The following SLCO1A2 variants were observed in gnomAD, a reference collection of about 807,000 sequenced individuals.
SLCO1A2 encodes OATP-1.
SLCO1A2 carries 67 observed loss-of-function variants against 69.0 expected under a neutral mutation model. That is an observed-to-expected ratio of 0.97 (90% CI 0.80 to 1.19). The LOEUF (loss-of-function observed/expected upper bound fraction) is 1.19, where lower values mean the gene tolerates loss of function less well. Among genes scored for constraint, SLCO1A2 ranks in the 50% most tolerant of loss-of-function variants. SLCO1A2 has a pLI of 0.00. For synonymous variants in SLCO1A2, 260 were observed against 265.9 expected (o/e 0.98, Z 0.22); for missense variants, 787 against 793.7 (o/e 0.99, Z 0.10).
At chr12:21,341,054 ATTATTCCCAAC>A (rs1953053618) in intron 2 of SLCO1A2, among the ~76,000 whole-genome samples, 1 of 152,060 alleles carries the variant, frequency 6.6e-6, no homozygotes, top group South Asian at 2.1e-4. Flanking sequence ...TGACATAAGT[ATTATTCCCAAC>A]TTTAAAGATG....
rs931240857 is a variant in SLCO1A2 at position 21,268,783 on chromosome 12, A to G, written c.*765T>C. The G allele has an allele frequency of 6.6e-6, 1 of 152,024 alleles. No individual in the cohort carries two copies. Among genetic ancestry groups the G allele is most frequent in the Non-Finnish European group, 1.5e-5 (1 of 67,972 alleles). 9.4% of individuals were successfully genotyped at this position (152,024 alleles called of 1,614,324 possible). On this transcript the variant is annotated 3_prime_UTR_variant, in exon 15 of 15. Coordinates refer to ENST00000683939, the MANE Select transcript of SLCO1A2 (RefSeq NM_001386879.1). ...TCTGACATTACAAACAGCCTTTAAG[A>G]ACTGGAGTTTTTATAATATTGTCCT... is the stretch of plus-strand genomic sequence containing the variant.
At chr12:21,343,863 A>C (rs571918229) in intron 2 of SLCO1A2, among the ~76,000 whole-genome samples, 20 of 152,228 alleles carry the variant, frequency 1.3e-4, no homozygotes, top group African/African-American at 4.8e-4. Flanking sequence ...AAATTTTGCA[A>C]TACCTTTCAA....
chr12:21,350,690 A>G (rs1462900633), intron 2 of SLCO1A2, among the ~76,000 whole-genome samples: 1 of 151,748 alleles, frequency 6.6e-6, no homozygotes, highest in Non-Finnish European at 1.5e-5. Flanking sequence ...AAAAAAAATT[A>G]GCCGGGCGTG....
chr12:21,359,660 TG>T (rs1938661989), intron 2 of SLCO1A2, among the ~76,000 whole-genome samples: 1 of 151,182 alleles, frequency 6.6e-6, no homozygotes, highest in South Asian at 2.1e-4. Context: ...GGCAGGAGAA[TG>T]GCATGAACCC....
exon 1 of SLCO1A2, chr12:21,395,106 A>G (rs553781391): frequency 2.1e-3 from 329 of 157,752 alleles, no homozygotes; most frequent in Non-Finnish European, 3.3e-3. Context: ...TTTCCATCTG[A>G]GGTACCGGGT....
intron 2 of SLCO1A2, among the ~76,000 whole-genome samples, chr12:21,371,884 C>G (rs988853358): frequency 6.6e-6 from 1 of 151,926 alleles, no homozygotes; most frequent in Non-Finnish European, 1.5e-5. Context: ...TGCCTGTAAT[C>G]CCAGCTACTC....
Position 21,268,887 on chromosome 12 carries a change from A to ATCTT in SLCO1A2, c.*657_*660dup, listed in dbSNP as rs1284154448. On this transcript the variant is annotated 3_prime_UTR_variant, in exon 15 of 15. Coordinates refer to ENST00000683939, the MANE Select transcript of SLCO1A2 (RefSeq NM_001386879.1). ...TGAATTACTGAAAAAAAATCCAACA[A>ATCTT]TCTTTGCCTCATGATGTTTAATAAC... is the stretch of plus-strand genomic sequence containing the variant. 6.6e-6 allele frequency: 1 copy of ATCTT among 152,012 alleles called. No individual in the cohort carries two copies. The highest frequency in any genetic ancestry group is 1.5e-5 in the Non-Finnish European group (1 of 67,928). 9.4% of individuals were successfully genotyped at this position (152,012 alleles called of 1,614,324 possible). A position where few individuals can be genotyped will look rare whatever the true frequency, so the allele number is the denominator to read the frequency against.
At position 21,318,924 on chromosome 12, in the gene SLCO1A2, C is replaced by A; in HGVS notation, c.61-1G>T. The stretch of plus-strand genomic sequence containing the variant: ...CACATGTTATTGCCAACAGAAACAT[C>A]TAGGAAAAAAATATAAGAAAACGTA... On this transcript the variant is annotated splice_acceptor_variant, in intron 2 of 14. Coordinates refer to ENST00000683939, the MANE Select transcript of SLCO1A2 (RefSeq NM_001386879.1). LOFTEE classifies it high-confidence loss of function. 1 of 1,571,760 alleles carries A rather than the reference C, an allele frequency of 6.4e-7. No homozygotes were observed.
intron 13 of SLCO1A2, chr12:21,274,938 G>C (rs1370299532): frequency 4.8e-6 from 5 of 1,046,426 alleles, no homozygotes; most frequent in Non-Finnish European, 4.6e-6. Context: ...ACAAAGAATA[G>C]TGTAATTAAG....
At chr12:21,329,927 A>G (rs1171219314) in intron 2 of SLCO1A2, among the ~76,000 whole-genome samples, 2 of 151,750 alleles carry the variant, frequency 1.3e-5, no homozygotes, top group Non-Finnish European at 2.9e-5. Flanking sequence ...TACTGGAGGT[A>G]ATTTTGAGAT....
At chr12:21,292,426 A>G (rs1298384656) in intron 11 of SLCO1A2, 90 bp from the exon 12 acceptor site, 3 of 969,184 alleles carry the variant, frequency 3.1e-6, no homozygotes, top group Non-Finnish European at 4.6e-6. Context: ...ATCAAGATGG[A>G]GACTGCTTGT....
chr12:21,309,262 G>C (rs1949813359), intron 4 of SLCO1A2, among the ~76,000 whole-genome samples: 1 of 152,132 alleles, frequency 6.6e-6, no homozygotes, highest in Admixed American at 6.5e-5. Flanking sequence ...AGAGAAAACA[G>C]TGTTATGAAA....
At chr12:21,344,437 A>G (rs1346392069) in intron 2 of SLCO1A2, among the ~76,000 whole-genome samples, 2 of 152,084 alleles carry the variant, frequency 1.3e-5, no homozygotes, top group Admixed American at 6.6e-5. Context: ...AATCCAATTA[A>G]TAAATTCATA....
chr12:21,314,500 C>T, intron 4 of SLCO1A2, 49 bp downstream of exon 4: 1 of 1,607,820 alleles, frequency 6.2e-7, no homozygotes, highest in Non-Finnish European at 8.5e-7. Flanking sequence ...AACTTCATTT[C>T]CTGCAAGTGA....
At position 21,266,222 on chromosome 12, in the gene SLCO1A2, T is replaced by C. The variant is rs2136009058; in HGVS notation, c.*3326A>G. 1 of 152,298 alleles carries C rather than the reference T, an allele frequency of 6.6e-6. No homozygotes were observed. The highest frequency in any genetic ancestry group is 2.1e-4 in the South Asian group (1 of 4,830). 9.4% of individuals were successfully genotyped at this position (152,298 alleles called of 1,614,324 possible). ...GGTTACAAAACATTTCGAGCTTTTC[T>C]TTAATTACTTAGTCTTTGTCTTGTC... is the stretch of plus-strand genomic sequence containing the variant. On this transcript the variant is annotated 3_prime_UTR_variant, in exon 15 of 15. Transcript: ENST00000683939.
intron 11 of SLCO1A2, 141 bp from the exon 12 acceptor site, chr12:21,292,477 C>T (rs953972609): frequency 2.4e-5 from 12 of 497,570 alleles, no homozygotes; most frequent in African/African-American, 2.3e-4. Flanking sequence ...CTCAAGATTA[C>T]ACCATATAAC....
rs1287698745 is a variant in SLCO1A2 at position 21,330,512 on chromosome 12, AAAAAT to A, written c.60+4071_60+4075del. On this transcript the variant is annotated intron_variant, in intron 2 of 14. Coordinates refer to ENST00000683939, the MANE Select transcript of SLCO1A2 (RefSeq NM_001386879.1). ...TGACAGAGTGAGGCCCTGCCTCAAA[AAAAAT>A]AAAATAAAAGTAAAAAGTTACAGGA... Among the ~76,000 whole-genome samples, 4 of 152,250 alleles carry A rather than the reference AAAAAT, an allele frequency of 2.6e-5. No homozygotes were observed. The East Asian group carries it at 5.8e-4, about 22-fold the overall frequency.
At chr12:21,408,671 C>T (rs1442794542) in intron 1 of SLCO1A2, among the ~76,000 whole-genome samples, 1 of 151,806 alleles carries the variant, frequency 6.6e-6, no homozygotes, top group Admixed American at 6.6e-5. Context: ...GCATATACAT[C>T]AGGGAAGCAG....
chr12:21,403,690 G>A (rs983154201), intron 1 of SLCO1A2: 6 of 145,924 alleles, frequency 4.1e-5, no homozygotes, highest in Non-Finnish European at 9.0e-5. Context: ...GTACTCACTT[G>A]GAACCAGAGG....
Sources: allele counts gnomAD v4.1 joint callset (sites outside exome capture counted in the v4.1 genomes callset), GRCh38; gene constraint gnomAD v4.1.1; transcripts MANE v1.5; gene names NCBI Gene and HGNC (gene_info 2026-07-23, HGNC 2026-07-21).